Variants in LRP5 observed in about 807,000 individuals in gnomAD.
LRP5 encodes the protein LDL receptor related protein 5, also known as low-density lipoprotein receptor-related protein 5.
In LRP5, 62 loss-of-function variants were observed where a neutral mutation model predicts 154.1. The observed-to-expected ratio is 0.40, with a 90% CI of 0.33 to 0.50. The LOEUF (loss-of-function observed/expected upper bound fraction) is 0.50. Ranked by LOEUF, LRP5 falls within the 20% of genes least tolerant of loss-of-function variation. The pLI is 0.55. For synonymous variants in LRP5, 966 were observed against 1,011.5 expected, an observed-to-expected ratio of 0.96 and a Z score of 0.85; for missense variants, 1,915 against 2,336.7, an observed-to-expected ratio of 0.82 and a Z score of 3.72.
At chr11:68,318,279 C>T (rs1426010282) in intron 1 of LRP5, among the ~76,000 whole-genome samples, 2 of 151,142 alleles carry the variant, frequency 1.3e-5, no homozygotes, top group Non-Finnish European at 2.9e-5. Context: ...TGGTCTCCAT[C>T]TCCTGATCCT....
chr11:68,385,841 G>A (rs1487584523), intron 5 of LRP5, among the ~76,000 whole-genome samples: 1 of 152,064 alleles, frequency 6.6e-6, no homozygotes, highest in East Asian at 1.9e-4. Context: ...AAGTGGCGTC[G>A]AGCTGGGCAG....
intron 16 of LRP5, among the ~76,000 whole-genome samples, chr11:68,427,584 G>T (rs572221200): frequency 1.3e-5 from 2 of 152,110 alleles, no homozygotes; most frequent in Non-Finnish European, 2.9e-5. Flanking sequence ...GGAGGCTGAG[G>T]TGGGAGAATT....
chr11:68,425,959 G>A lies in LRP5; in HGVS notation c.3428-19G>A, dbSNP rs978666590. On this transcript the variant is annotated intron_variant, in intron 15 of 22. Coordinates refer to ENST00000294304, the MANE Select transcript of LRP5 (RefSeq NM_002335.4). ...CTGGAGGTCAGCACTGCTCAGGGGG[G>A]CCCACGGGCTGCTTGCAGGGGCCAA... 1.2e-6 allele frequency: 2 copies of A among 1,605,478 alleles called. No individual in the cohort carries two copies. Among genetic ancestry groups the A allele is most frequent in the African/African-American group, 1.3e-5 (1 of 75,006 alleles).
At chr11:68,404,964 G>A (rs1215222434) in intron 8 of LRP5, among the ~76,000 whole-genome samples, 4 of 141,352 alleles carry the variant, frequency 2.8e-5, no homozygotes, top group South Asian at 2.3e-4. Context: ...GCGACAGAGC[G>A]AGACTCCGTC....
intron 1 of LRP5, among the ~76,000 whole-genome samples, chr11:68,319,052 C>A (rs2098595173): frequency 6.6e-6 from 1 of 151,842 alleles, no homozygotes; most frequent in Non-Finnish European, 1.5e-5. Context: ...CCTCCCTCAC[C>A]CCACCGTGCC....
intron 5 of LRP5, among the ~76,000 whole-genome samples, chr11:68,375,998 C>T (rs1221735964): frequency 6.6e-6 from 1 of 152,148 alleles, no homozygotes; most frequent in Non-Finnish European, 1.5e-5. Flanking sequence ...GGGGCAGTGG[C>T]ATTGTCACAT....
the LRP5 span, among the ~76,000 whole-genome samples, chr11:68,305,252 GCT>G: frequency 4.0e-5 from 6 of 149,964 alleles, no homozygotes; most frequent in Non-Finnish European, 4.5e-5. Context: ...ACACCTCCCT[GCT>G]CTCTCTCTCT....
At chr11:68,431,617 G>A (rs2098671953) in intron 17 of LRP5, among the ~76,000 whole-genome samples, 1 of 152,156 alleles carries the variant, frequency 6.6e-6, no homozygotes, top group Non-Finnish European at 1.5e-5. Flanking sequence ...TAGGGCCGCG[G>A]GGTGCTGCCT....
chr11:68,373,633 C>T (rs1359607850), intron 5 of LRP5, among the ~76,000 whole-genome samples: 3 of 152,226 alleles, frequency 2.0e-5, no homozygotes, highest in Non-Finnish European at 4.4e-5. Flanking sequence ...CCCCAGCAGT[C>T]GAGTGCAGAG....
chr11:68,425,179 T>C lies in LRP5; in HGVS notation c.3314T>C (p.Val1105Ala). 1 of 1,613,380 alleles carries C rather than the reference T, an allele frequency of 6.2e-7. No individual in the cohort carries two copies. Among genetic ancestry groups the C allele is most frequent in the Non-Finnish European group, 8.5e-7 (1 of 1,179,938 alleles). Residue 1105 changes from valine (V) to alanine (A), a missense_variant, in exon 15 of 23, where the codon GTC (valine) becomes GCC (alanine). By Grantham distance (64) the Val-to-Ala change is moderately conservative. Around this residue, in one of 3 missense-constraint regions of LRP5, gnomAD observed 1,094 missense variants for 1,210.1 expected, o/e 0.90. Transcript: ENST00000294304. ...GCCCTGGACGGCACCGAGCGCGAGG[T>C]CCTCTTCACCACCGGCCTCATCCGC... is the stretch of plus-strand genomic sequence containing the variant. ...RAALDGTERE[V>A]LFTTGLIRPV...
rs746806229 is a variant in LRP5, at chr11:68,414,000, C to T, written c.2815C>T (p.Arg939Cys). ...ASHYTLDPSS[R>C]NCSPPTTFLL... ...ACACTACACCCTGGACCCCAGCAGC[C>T]GCAACTGCAGCCGTAAGTGCCTCAT... is the stretch of plus-strand genomic sequence containing the variant. Residue 939 changes from arginine to cysteine, a missense_variant, in exon 12 of 23, where the codon CGC becomes TGC. Physicochemically the swap from Arg to Cys is radical, Grantham distance 180 (BLOSUM62 -3). Transcript: ENST00000294304. This position sits in a 1 kb window ranked among gnomAD's most constrained non-coding sequence, Gnocchi z 5.1. 13 of 1,603,806 alleles carry T rather than the reference C, an allele frequency of 8.1e-6. No homozygotes were observed. The highest frequency in any genetic ancestry group is 5.5e-5 in the South Asian group (5 of 91,058).
intron 13 of LRP5, among the ~76,000 whole-genome samples, chr11:68,419,413 T>A (rs985761059): frequency 6.6e-6 from 1 of 151,892 alleles, no homozygotes; most frequent in Non-Finnish European, 1.5e-5. Context: ...TTTGTATTTT[T>A]TTTTTATTGT....
At chr11:68,402,009 C>T (rs573440967) in intron 7 of LRP5, among the ~76,000 whole-genome samples, 1 of 152,300 alleles carries the variant, frequency 6.6e-6, no homozygotes, top group African/African-American at 2.4e-5. Context: ...CAGCTTTGTC[C>T]TGTGCCATCC....
At chr11:68,306,151 A>C in the LRP5 span, among the ~76,000 whole-genome samples, 1 of 151,514 alleles carries the variant, frequency 6.6e-6, no homozygotes, top group Non-Finnish European at 1.5e-5. Context: ...CTTTTCTTTT[A>C]TGAGACAGAG....
chr11:68,335,823 C>T (rs573765715), intron 1 of LRP5, among the ~76,000 whole-genome samples: 2 of 152,282 alleles, frequency 1.3e-5, no homozygotes, highest in Non-Finnish European at 2.9e-5. Context: ...GCTTACATCT[C>T]GACAGCCGGA....
At chr11:68,310,762 A>G (rs546925344), upstream of LRP5, among the ~76,000 whole-genome samples, 170 of 151,772 alleles carry the variant, frequency 1.1e-3, no homozygotes, top group African/African-American at 4.0e-3. Context: ...CTCAAAAAAA[A>G]AAAAAAAAAA....
intron 3 of LRP5, among the ~76,000 whole-genome samples, chr11:68,359,734 C>T (rs186685001): frequency 6.6e-6 from 1 of 150,504 alleles, no homozygotes; most frequent in East Asian, 1.9e-4. Context: ...GGCTGGAGTG[C>T]ATTGGCACAA....
chr11:68,401,414 C>G (rs2098652574), intron 7 of LRP5, among the ~76,000 whole-genome samples: 1 of 152,180 alleles, frequency 6.6e-6, no homozygotes, highest in Non-Finnish European at 1.5e-5. Flanking sequence ...ATCAGAACCG[C>G]CTGTTGGGAG....
In LRP5 at chr11:68,386,803, T is replaced by C; in HGVS notation, c.1412+91T>C. On this transcript the variant is annotated intron_variant, in intron 6 of 22. Coordinates refer to ENST00000294304, the MANE Select transcript of LRP5 (RefSeq NM_002335.4). This position sits in a 1 kb window ranked among gnomAD's most constrained non-coding sequence, Gnocchi z 7.9. ...ACCTGGACCTGTCATTCTGGGACAC[T>C]GTCTTGCATCAGAACCCGGAGGAGG... 3 of 1,418,114 alleles carry C rather than the reference T, an allele frequency of 2.1e-6. No individual in the cohort carries two copies. Among genetic ancestry groups the C allele is most frequent in the African/African-American group, 1.4e-5 (1 of 70,720 alleles). The allele number at this position is 1,418,114 out of a possible 1,614,324, so 87.8% of individuals were successfully genotyped here.
Sources: gnomAD v4.1 joint callset for allele counts (sites outside exome capture counted in the v4.1 genomes callset) on GRCh38, gnomAD v4.1.1 for gene constraint, gnomAD v4.1.1 regional missense constraint, Gnocchi (gnomAD v3.1) non-coding constraint, MANE v1.5 for transcripts, NCBI Gene and HGNC (gene_info 2026-07-23, HGNC 2026-07-21) for gene names.